Variants in FBXO38 observed in about 807,000 individuals in gnomAD.
FBXO38 encodes the protein F-box protein 38, also known as F-box only protein 38.
In FBXO38, 53 loss-of-function variants were observed where a neutral mutation model predicts 131.9. That is an observed-to-expected ratio of 0.40 (90% confidence interval 0.32 to 0.51). The LOEUF (loss-of-function observed/expected upper bound fraction) is 0.51, where lower values mean the gene tolerates loss of function less well. FBXO38 is among the 20% of genes least tolerant of loss of function. FBXO38 has a pLI of 0.53. For synonymous variants in FBXO38, 452 were observed against 505.6 expected (o/e 0.89, Z 1.42); for missense variants, 1,076 against 1,475.6 (o/e 0.73, Z 4.44).
At chr5:148,384,990 G>A (rs183003115) in intron 1 of FBXO38, 1 of 152,262 alleles carries the variant, frequency 6.6e-6, no homozygotes, top group African/African-American at 2.4e-5. Flanking sequence ...GGAAGACGTT[G>A]GATTAGGTCA....
intron 14 of FBXO38, among the ~76,000 whole-genome samples, chr5:148,426,989 C>T (rs966703613): frequency 1.3e-5 from 2 of 152,042 alleles, no homozygotes; most frequent in African/African-American, 4.8e-5. Context: ...GGAATCAGAT[C>T]ATAGTGAGGT....
chr5:148,394,479 CTCTT>C (rs1477559249), intron 1 of FBXO38, among the ~76,000 whole-genome samples: 3 of 152,212 alleles, frequency 2.0e-5, no homozygotes, highest in Admixed American at 6.5e-5. Flanking sequence ...TGGATTTTTG[CTCTT>C]TCTAAGTAAT....
At chr5:148,393,368 A>T (rs1457420410) in intron 1 of FBXO38, among the ~76,000 whole-genome samples, 2 of 152,024 alleles carry the variant, frequency 1.3e-5, no homozygotes, top group East Asian at 3.9e-4. Flanking sequence ...TAGAGTGTCC[A>T]TTTACTGCTG....
chr5:148,407,472 A>T (rs952539410), intron 7 of FBXO38, among the ~76,000 whole-genome samples: 1 of 152,220 alleles, frequency 6.6e-6, no homozygotes, highest in Admixed American at 6.5e-5. Context: ...AATGAAATTT[A>T]AAAAAATAAC....
intron 14 of FBXO38, among the ~76,000 whole-genome samples, chr5:148,426,095 A>G (rs1753700042): frequency 6.6e-6 from 1 of 152,164 alleles, no homozygotes; most frequent in African/African-American, 2.4e-5. Flanking sequence ...ATTGGTGGCT[A>G]GTTTGGTGCT....
At position 148,442,358 on chromosome 5, in the gene FBXO38, T is replaced by A; in HGVS notation, c.*211T>A. On this transcript the variant is annotated 3_prime_UTR_variant, in exon 22 of 22. Coordinates refer to ENST00000340253, the MANE Select transcript of FBXO38 (RefSeq NM_205836.3). ...TTCCTAAAGTACCAACTTTATATCA[T>A]ATGTTTATACAATTTAATTTAAAAA... is the stretch of plus-strand genomic sequence containing the variant. 1 of 377,964 alleles carries A rather than the reference T, an allele frequency of 2.6e-6. No individual in the cohort carries two copies. Among genetic ancestry groups the A allele is most frequent in the Non-Finnish European group, 4.7e-6 (1 of 213,200 alleles). 23.4% of individuals were successfully genotyped at this position (377,964 alleles called of 1,614,324 possible).
At chr5:148,429,481 C>T (rs1753909758) in intron 15 of FBXO38, among the ~76,000 whole-genome samples, 1 of 152,090 alleles carries the variant, frequency 6.6e-6, no homozygotes, top group Non-Finnish European at 1.5e-5. Flanking sequence ...CTATTCTGTT[C>T]TGGTGCTCTG....
At position 148,425,644 on chromosome 5, in the gene FBXO38, C is replaced by A; in HGVS notation, c.1861C>A (p.Arg621Ser). 6.2e-7 allele frequency: 1 copy of A among 1,613,944 alleles called. No individual in the cohort carries two copies. The highest frequency in any genetic ancestry group is 1.1e-5 in the South Asian group (1 of 91,082). Residue 621 changes from arginine to serine, a missense_variant, in exon 14 of 22, where the codon CGT (arginine) becomes AGT (serine). Arg to Ser is a moderately radical substitution (Grantham distance 110). Coordinates refer to ENST00000340253, the MANE Select transcript of FBXO38 (RefSeq NM_205836.3). ...EVWIPKNGTR[R>S]YSEREEKTGE... ...CTGGATTCCTAAGAACGGTACTCGG[C>A]GTTACTCTGAACGTGAAGAAAAAAC...
At chr5:148,425,944 G>T (rs1460206319) in intron 14 of FBXO38, among the ~76,000 whole-genome samples, 1 of 152,156 alleles carries the variant, frequency 6.6e-6, no homozygotes, top group Non-Finnish European at 1.5e-5. Context: ...TACAGTGGAG[G>T]CTTCAGTTGT....
chr5:148,406,495 G>T lies in FBXO38; in HGVS notation c.868+101G>T, dbSNP rs1026339895. ...CCTGGCAAGTCTTTAAAAAGAAAAT[G>T]CTCGTCAGTAACTGCTTTCTTTGTT... On this transcript the variant is annotated intron_variant, in intron 7 of 21. Transcript: ENST00000340253. 7.8e-5 allele frequency: 73 copies of T among 938,280 alleles called. No individual in the cohort carries two copies. The African/African-American group carries it at 1.1e-3, about 14-fold the overall frequency. The allele number at this position is 938,280 out of a possible 1,614,324, so 58.1% of individuals were successfully genotyped here.
chr5:148,415,807 A>T, intron 10 of FBXO38, 121 bp from the exon 11 acceptor site: 1 of 1,052,832 alleles, frequency 9.5e-7, no homozygotes. Context: ...GAAGTCATGA[A>T]AAAAAGGAAA....
At chr5:148,420,126 G>GTTTTTT (rs1394877299) in intron 12 of FBXO38, among the ~76,000 whole-genome samples, 1 of 146,026 alleles carries the variant, frequency 6.8e-6, no homozygotes, top group Non-Finnish European at 1.5e-5. Flanking sequence ...TTTTTTGTGG[G>GTTTTTT]GTTTTTTTTT....
In FBXO38 at chr5:148,427,676, G is replaced by T; in HGVS notation, c.2382G>T (p.Glu794Asp). The change falls in exon 15 of 22, where the codon GAG becomes GAT. Residue 794 changes from glutamate (E) to aspartate (D), a missense_variant. Glu to Asp is a conservative substitution (Grantham distance 45, BLOSUM62 2). Coordinates refer to ENST00000340253, the MANE Select transcript of FBXO38 (RefSeq NM_205836.3). ...SQRRTSRCSD[E>D]ERPSTSRACV... ...GGAGAACTAGCAGGTGTTCTGATGAGGAACGTCCTTCAACCAGCCGAGCCT... is the reference window on the plus strand; with the variant it reads ...GGAGAACTAGCAGGTGTTCTGATGATGAACGTCCTTCAACCAGCCGAGCCT... The T allele has an allele frequency of 6.2e-7, 1 of 1,614,162 alleles. No homozygotes were observed. Among genetic ancestry groups the T allele is most frequent in the Non-Finnish European group, 8.5e-7 (1 of 1,180,024 alleles).
chr5:148,416,533 A>G (rs1240504278), intron 11 of FBXO38: 1 of 167,062 alleles, frequency 6.0e-6, no homozygotes, highest in African/African-American at 2.4e-5. Flanking sequence ...GAGGTAGCCC[A>G]GTTGTACAAA....
chr5:148,391,806 GT>G (rs1050991271), intron 1 of FBXO38, among the ~76,000 whole-genome samples: 10 of 152,218 alleles, frequency 6.6e-5, no homozygotes, highest in African/African-American at 2.4e-4. Flanking sequence ...AAAAGTAAAA[GT>G]TTTTTTCTGC....
chr5:148,425,655 A>T lies in FBXO38; in HGVS notation c.1872A>T (p.Glu624Asp). 1 of 1,614,088 alleles carries T rather than the reference A, an allele frequency of 6.2e-7. No homozygotes were observed. Among genetic ancestry groups the T allele is most frequent in the Non-Finnish European group, 8.5e-7 (1 of 1,179,948 alleles). Reference protein sequence around the residue: ...IPKNGTRRYSEREEKTGESVQ... With the variant: ...IPKNGTRRYSDREEKTGESVQ... ...AGAACGGTACTCGGCGTTACTCTGA[A>T]CGTGAAGAAAAAACTGGAGAGTCAG... is the stretch of plus-strand genomic sequence containing the variant. The change falls in exon 14 of 22, where the codon GAA becomes GAT. Residue 624 changes from glutamate (E) to aspartate (D), a missense_variant. Transcript: ENST00000340253.
chr5:148,392,231 A>G (rs1034941406), intron 1 of FBXO38, among the ~76,000 whole-genome samples: 1 of 152,178 alleles, frequency 6.6e-6, no homozygotes, highest in Non-Finnish European at 1.5e-5. Flanking sequence ...CCAAAAGGTA[A>G]TGGGAATGGA....
chr5:148,393,234 T>TGTGTGTGTGTGTGA (rs1491443388), intron 1 of FBXO38, among the ~76,000 whole-genome samples: 1 of 144,302 alleles, frequency 6.9e-6, no homozygotes, highest in Non-Finnish European at 1.5e-5. Flanking sequence ...TGTGTGTGTG[T>TGTGTGTGTGTGTGA]GATGAGAGGC....
rs899061924 is a variant in FBXO38, at chr5:148,439,927, C to T, written c.3170+135C>T. 1.3e-5 allele frequency: 11 copies of T among 830,246 alleles called. No individual in the cohort carries two copies. The South Asian group carries it at 1.4e-4, about 11-fold the overall frequency. The allele number at this position is 830,246 out of a possible 1,614,324, so 51.4% of individuals were successfully genotyped here. A position where few individuals can be genotyped will look rare whatever the true frequency, so the allele number is the denominator to read the frequency against. On this transcript the variant is annotated intron_variant, in intron 19 of 21. Transcript: ENST00000340253. ...TCAAACAAGCTTATCCTGAAGTTAA[C>T]GTAAGTAAGAAACTGAGGGAAATGA...
Sources: allele counts gnomAD v4.1 joint callset (sites outside exome capture counted in the v4.1 genomes callset), GRCh38; gene constraint gnomAD v4.1.1; transcripts MANE v1.5; gene names NCBI Gene and HGNC (gene_info 2026-07-23, HGNC 2026-07-21).